The following TRPM3 variants were observed in gnomAD, a reference collection of about 807,000 sequenced individuals.
TRPM3 encodes the protein transient receptor potential cation channel subfamily M member 3, also known as long transient receptor potential channel 3.
Under a neutral mutation model 181.2 loss-of-function variants are expected in TRPM3, and 77 were observed. The ratio of observed to expected loss-of-function variants is 0.42; its 90% CI spans 0.35 to 0.51. TRPM3 has a LOEUF of 0.51. TRPM3 is among the 20% of genes least tolerant of loss of function. TRPM3 has a pLI of 0.01. For missense variants in TRPM3, 1,759 were observed against 2,196.7 expected, an observed-to-expected ratio of 0.80 and a Z score of 3.98; for synonymous variants, 745 against 796.4, an observed-to-expected ratio of 0.94 and a Z score of 1.09.
At chr9:71,051,848 G>A (rs1234657060) in intron 1 of TRPM3, among the ~76,000 whole-genome samples, 1 of 152,024 alleles carries the variant, frequency 6.6e-6, no homozygotes, top group East Asian at 1.9e-4. Flanking sequence ...ATATATATCT[G>A]AAATCAGAAT....
chr9:71,044,907 G>T (rs1453349585), intron 1 of TRPM3, among the ~76,000 whole-genome samples: 1 of 151,920 alleles, frequency 6.6e-6, no homozygotes, highest in Non-Finnish European at 1.5e-5. Flanking sequence ...TCCTGACCTC[G>T]TGATCCACCC....
intron 1 of TRPM3, among the ~76,000 whole-genome samples, chr9:71,235,595 A>G (rs1275653448): frequency 6.6e-6 from 1 of 152,246 alleles, no homozygotes; most frequent in Non-Finnish European, 1.5e-5. Flanking sequence ...TATATCTTCC[A>G]GAGTTTCTGA....
intron 1 of TRPM3, among the ~76,000 whole-genome samples, chr9:71,244,138 AC>A (rs1466939408): frequency 6.6e-6 from 1 of 152,190 alleles, no homozygotes; most frequent in Non-Finnish European, 1.5e-5. Flanking sequence ...GGGCATTTAG[AC>A]AAAAGGTCCC....
chr9:70,596,877 C>A (rs978658606), intron 21 of TRPM3, among the ~76,000 whole-genome samples: 4 of 152,272 alleles, frequency 2.6e-5, no homozygotes, highest in Non-Finnish European at 5.9e-5. Context: ...ACCCTCCCAC[C>A]TCAGGCTCCC....
rs1015355175 is a variant in TRPM3 at position 70,649,082 on chromosome 9, C to T, written c.1346-8422G>A. ...CCTAAAGAATATGAGAAAATATTTG[C>T]AAATTATACATCCAACAAAGGTCTA... On this transcript the variant is annotated intron_variant, in intron 9 of 25. Coordinates refer to ENST00000677713, the MANE Select transcript of TRPM3 (RefSeq NM_001366145.2). Among the ~76,000 whole-genome samples, 6 of 151,796 alleles carry T rather than the reference C, an allele frequency of 4.0e-5. No homozygotes were observed. In the East Asian group the frequency reaches 1.2e-3, roughly 29 times the overall value.
At chr9:71,359,286 T>G (rs1454831773) in intron 1 of TRPM3, among the ~76,000 whole-genome samples, 1 of 152,202 alleles carries the variant, frequency 6.6e-6, no homozygotes, top group Non-Finnish European at 1.5e-5. Flanking sequence ...CAAACTGAGG[T>G]GGGTGTGTAT....
intron 1 of TRPM3, among the ~76,000 whole-genome samples, chr9:71,139,331 T>C (rs1431528448): frequency 6.6e-6 from 1 of 152,238 alleles, no homozygotes; most frequent in Non-Finnish European, 1.5e-5. Context: ...TGTGAAGCTA[T>C]GAGGTAAAAT....
At chr9:71,068,519 A>G (rs1244516625) in intron 1 of TRPM3, among the ~76,000 whole-genome samples, 1 of 152,182 alleles carries the variant, frequency 6.6e-6, no homozygotes, top group Non-Finnish European at 1.5e-5. Context: ...CTACACAACT[A>G]GTATGTGCTT....
chr9:70,869,487 C>A (rs1332419861), intron 1 of TRPM3, among the ~76,000 whole-genome samples: 3 of 151,952 alleles, frequency 2.0e-5, no homozygotes, highest in Admixed American at 2.0e-4. Context: ...TTGGAGCACA[C>A]AAGCGGCATT....
intron 1 of TRPM3, among the ~76,000 whole-genome samples, chr9:71,197,649 T>G (rs1252945378): frequency 6.6e-6 from 1 of 152,164 alleles, no homozygotes; most frequent in African/African-American, 2.4e-5. Context: ...TCATGTGTCT[T>G]TTGGCTACAT....
intron 1 of TRPM3, among the ~76,000 whole-genome samples, chr9:71,355,947 T>C (rs1200275699): frequency 3.3e-5 from 5 of 152,130 alleles, no homozygotes; most frequent in African/African-American, 9.7e-5. Context: ...GTCTGAATGA[T>C]CTAAACCATT....
chr9:71,136,167 T>C (rs914669118), intron 1 of TRPM3, among the ~76,000 whole-genome samples: 28 of 152,360 alleles, frequency 1.8e-4, no homozygotes, highest in African/African-American at 4.8e-4. Context: ...GAAGTTCACA[T>C]AGCATGTTAA....
intron 1 of TRPM3, among the ~76,000 whole-genome samples, chr9:71,034,665 G>A (rs915490048): frequency 6.6e-6 from 1 of 151,972 alleles, no homozygotes; most frequent in Admixed American, 6.6e-5. Flanking sequence ...TCTGTGCTCA[G>A]TAACATCATC....
intron 1 of TRPM3, among the ~76,000 whole-genome samples, chr9:71,071,702 A>T (rs577108539): frequency 1.1e-4 from 16 of 152,330 alleles, no homozygotes; most frequent in African/African-American, 3.6e-4. Context: ...AATTGACTTT[A>T]GTGCCAAACA....
chr9:71,231,170 C>CA (rs1554851596), intron 1 of TRPM3, among the ~76,000 whole-genome samples: 1 of 151,958 alleles, frequency 6.6e-6, no homozygotes, highest in Non-Finnish European at 1.5e-5. Flanking sequence ...ATTTAAATGG[C>CA]AAAAAGGACT....
At chr9:71,082,072 T>C (rs2064447781) in intron 1 of TRPM3, among the ~76,000 whole-genome samples, 1 of 152,164 alleles carries the variant, frequency 6.6e-6, no homozygotes, top group South Asian at 2.1e-4. Flanking sequence ...TGACTACAAA[T>C]GTTTACATGT....
chr9:70,917,452 C>G, intron 1 of TRPM3: 2 of 764,780 alleles, frequency 2.6e-6, no homozygotes, highest in Non-Finnish European at 4.8e-6. Flanking sequence ...TGGAGTGGAA[C>G]AAGGCCACCC....
intron 22 of TRPM3, among the ~76,000 whole-genome samples, chr9:70,557,656 C>CG (rs2131942703): frequency 1.3e-5 from 2 of 152,256 alleles, no homozygotes; most frequent in South Asian, 4.2e-4. Context: ...GAAATGCCCC[C>CG]GGGACATGCA....
At chr9:71,323,089 C>T (rs1261631866) in intron 1 of TRPM3, among the ~76,000 whole-genome samples, 1 of 152,222 alleles carries the variant, frequency 6.6e-6, no homozygotes, top group East Asian at 1.9e-4. Context: ...GAAACACTAA[C>T]ACCCCATCTT....
Sources: allele counts gnomAD v4.1 joint callset (sites outside exome capture counted in the v4.1 genomes callset), GRCh38; gene constraint gnomAD v4.1.1; transcripts MANE v1.5; gene names NCBI Gene and HGNC (gene_info 2026-07-23, HGNC 2026-07-21).